Variants in INVS observed in about 807,000 individuals in gnomAD.
The protein encoded by INVS is inversin, also known as inversion of embryo turning homolog.
A neutral mutation model predicts 108.8 loss-of-function variants in INVS; 86 were observed. The observed-to-expected ratio is 0.79, with a 90% CI of 0.66 to 0.95. INVS has a LOEUF of 0.95. Among genes scored for constraint, INVS ranks in the 40% least tolerant of loss-of-function variants. The probability of loss-of-function intolerance (pLI) is 0.00; values close to 1 mark genes in which losing one functional copy is unlikely to be tolerated. For synonymous variants in INVS, 455 were observed against 473.5 expected (o/e 0.96, Z 0.51); for missense variants, 1,169 against 1,297.4 (o/e 0.90, Z 1.52).
At chr9:100,287,836 C>T (rs946700820) in intron 13 of INVS, among the ~76,000 whole-genome samples, 1 of 152,118 alleles carries the variant, frequency 6.6e-6, no homozygotes, top group Non-Finnish European at 1.5e-5. Flanking sequence ...CGGACTAATA[C>T]ATCCCTATCT....
intron 3 of INVS, among the ~76,000 whole-genome samples, chr9:100,179,309 G>A (rs12375636): frequency 0.19 from 29,379 of 152,060 alleles, 4,530 homozygotes; most frequent in African/African-American, 0.43. Flanking sequence ...AAATGTAAAT[G>A]GTCTAAATGC....
intron 3 of INVS, among the ~76,000 whole-genome samples, chr9:100,190,678 C>G (rs1830193282): frequency 6.6e-6 from 1 of 152,068 alleles, no homozygotes; most frequent in Admixed American, 6.6e-5. Flanking sequence ...TTGAAGGAGG[C>G]TAAAGATAGG....
intron 3 of INVS, among the ~76,000 whole-genome samples, chr9:100,220,155 T>C (rs1376021463): frequency 6.6e-6 from 1 of 152,200 alleles, no homozygotes; most frequent in Non-Finnish European, 1.5e-5. Flanking sequence ...GGAGTTCATC[T>C]TAAGAGAACT....
At chr9:100,153,983 G>C (rs777821208) in intron 3 of INVS, among the ~76,000 whole-genome samples, 1 of 152,120 alleles carries the variant, frequency 6.6e-6, no homozygotes, top group African/African-American at 2.4e-5. Context: ...TTGGTATAAC[G>C]CTTATGGAGG....
intron 3 of INVS, among the ~76,000 whole-genome samples, chr9:100,156,699 A>C (rs192684674): frequency 2.8e-3 from 424 of 152,266 alleles, no homozygotes; most frequent in Non-Finnish European, 4.2e-3. Context: ...TTTTGAGGAC[A>C]ATCAACTATA....
intron 3 of INVS, among the ~76,000 whole-genome samples, chr9:100,154,094 A>C (rs888294098): frequency 6.6e-6 from 1 of 152,164 alleles, no homozygotes; most frequent in Non-Finnish European, 1.5e-5. Flanking sequence ...AAAACAAGAA[A>C]TGTATACACA....
intron 14 of INVS, 123 bp downstream of exon 14, chr9:100,293,166 T>C (rs556286497): frequency 3.6e-6 from 3 of 824,758 alleles, no homozygotes; most frequent in East Asian, 5.1e-5. Context: ...GCCAATTTTA[T>C]AGAGCCTACC....
At chr9:100,163,857 A>C (rs562750275) in intron 3 of INVS, among the ~76,000 whole-genome samples, 4 of 152,222 alleles carry the variant, frequency 2.6e-5, no homozygotes, top group African/African-American at 9.6e-5. Context: ...CAGAGATCAC[A>C]GAAGGCCTGT....
intron 3 of INVS, among the ~76,000 whole-genome samples, chr9:100,156,092 T>C (rs1292849069): frequency 2.0e-5 from 3 of 152,010 alleles, no homozygotes; most frequent in Non-Finnish European, 1.5e-5. Flanking sequence ...GCCTGGCTCA[T>C]CTGGTCATGC....
chr9:100,158,541 T>C (rs1829072210), intron 3 of INVS, among the ~76,000 whole-genome samples: 1 of 152,186 alleles, frequency 6.6e-6, no homozygotes, highest in Non-Finnish European at 1.5e-5. Flanking sequence ...CACATTCCTA[T>C]GAGAATGAAA....
At chr9:100,161,169 A>C (rs1203434951) in intron 3 of INVS, among the ~76,000 whole-genome samples, 2 of 151,580 alleles carry the variant, frequency 1.3e-5, no homozygotes, top group Non-Finnish European at 2.9e-5. Flanking sequence ...TGCAATAAGG[A>C]GTTTCAGACC....
intron 3 of INVS, among the ~76,000 whole-genome samples, chr9:100,188,643 T>C (rs149456760): frequency 6.6e-6 from 1 of 151,290 alleles, no homozygotes; most frequent in East Asian, 1.9e-4. Flanking sequence ...TTCTTTTTTT[T>C]TTTTTTTTGT....
At chr9:100,277,173 T>C (rs148748955) in intron 12 of INVS, among the ~76,000 whole-genome samples, 74 of 152,320 alleles carry the variant, frequency 4.9e-4, no homozygotes, top group African/African-American at 1.7e-3. Flanking sequence ...GCAAAAGTTC[T>C]TTTCTACCCT....
intron 2 of INVS, among the ~76,000 whole-genome samples, chr9:100,117,840 T>G (rs376334089): frequency 2.6e-5 from 4 of 152,042 alleles, no homozygotes; most frequent in East Asian, 1.9e-4. Flanking sequence ...ATAATTTAAG[T>G]CATGAGGGTT....
intron 2 of INVS, among the ~76,000 whole-genome samples, chr9:100,122,576 CTTTTTTT>C (rs1161036698): frequency 1.7e-5 from 1 of 57,530 alleles, no homozygotes; most frequent in Non-Finnish European, 3.1e-5. Flanking sequence ...AAGTGAGTTT[CTTTTTTT>C]TTTTTTTTTT....
chr9:100,228,881 C>T (rs1212654962), intron 4 of INVS, among the ~76,000 whole-genome samples: 1 of 152,212 alleles, frequency 6.6e-6, no homozygotes, highest in African/African-American at 2.4e-5. Context: ...TCCAACACCT[C>T]CAATGGACAC....
chr9:100,119,747 G>A (rs986527531), intron 2 of INVS, among the ~76,000 whole-genome samples: 2 of 152,248 alleles, frequency 1.3e-5, no homozygotes, highest in Non-Finnish European at 2.9e-5. Context: ...TTTTAGTAGC[G>A]ATGGGGTTTC....
intron 2 of INVS, among the ~76,000 whole-genome samples, chr9:100,114,070 G>A (rs1197016885): frequency 6.6e-6 from 1 of 152,074 alleles, no homozygotes; most frequent in Non-Finnish European, 1.5e-5. Flanking sequence ...CTGGAGCCAT[G>A]GCATCTTTTG....
intron 7 of INVS, among the ~76,000 whole-genome samples, chr9:100,244,974 G>A (rs536577772): frequency 6.6e-6 from 1 of 152,228 alleles, no homozygotes; most frequent in South Asian, 2.1e-4. Flanking sequence ...ATATGACCTT[G>A]GAACCTACAT....
Sources: allele counts gnomAD v4.1 joint callset (sites outside exome capture counted in the v4.1 genomes callset), GRCh38; gene constraint gnomAD v4.1.1; transcripts MANE v1.5; gene names NCBI Gene and HGNC (gene_info 2026-07-23, HGNC 2026-07-21).